Variants in GLP1R observed in about 807,000 individuals in gnomAD.
The protein encoded by GLP1R is glucagon-like peptide 1 receptor.
GLP1R carries 32 observed loss-of-function variants against 68.4 expected under a neutral mutation model. The observed-to-expected ratio is 0.47, with a 90% CI of 0.35 to 0.63. The LOEUF (loss-of-function observed/expected upper bound fraction) is 0.63, where lower values mean the gene tolerates loss of function less well. GLP1R is among the 20% of genes least tolerant of loss of function. The pLI is 0.00. For synonymous variants in GLP1R, 263 were observed against 244.4 expected, an observed-to-expected ratio of 1.08 and a Z score of -0.71; for missense variants, 502 against 594.9, an observed-to-expected ratio of 0.84 and a Z score of 1.62.
Position 39,056,410 on chromosome 6 carries a change from C to T in GLP1R, c.92C>T (p.Ser31Phe), listed in dbSNP as rs866312541. Residue 31 changes from serine (S) to phenylalanine (F), a missense_variant, in exon 2 of 13, where the codon TCC becomes TTC. Transcript: ENST00000373256. ...CCCTCCCCCCAGGGTGCCACTGTGT[C>T]CCTCTGGGAGACGGTGCAGAAATGG... The part of the protein sequence containing the change: ...AGPRPQGATV[S>F]LWETVQKWRE... 1.2e-5 allele frequency: 20 copies of T among 1,601,246 alleles called. No individual in the cohort carries two copies. Among genetic ancestry groups the T allele is most frequent in the Non-Finnish European group, 1.7e-5 (20 of 1,168,368 alleles).
intron 7 of GLP1R, among the ~76,000 whole-genome samples, chr6:39,077,257 C>T (rs1254450679): frequency 1.3e-5 from 2 of 152,232 alleles, no homozygotes; most frequent in Admixed American, 1.3e-4. Context: ...CCCTGCTGTC[C>T]CTTCTCTCTG....
chr6:39,062,414 G>A (rs76345556), intron 3 of GLP1R, among the ~76,000 whole-genome samples: 2,221 of 152,330 alleles, frequency 0.015, 63 homozygotes, highest in African/African-American at 0.049. Context: ...AACCAGCCTG[G>A]CTTTTAATAT....
chr6:39,076,498 T>G (rs936373360), intron 7 of GLP1R, among the ~76,000 whole-genome samples: 6 of 152,286 alleles, frequency 3.9e-5, no homozygotes, highest in African/African-American at 1.4e-4. Context: ...CATCTCTCCC[T>G]GCATCATCAG....
intron 2 of GLP1R, among the ~76,000 whole-genome samples, chr6:39,056,924 T>C (rs1768227832): frequency 6.7e-6 from 1 of 150,064 alleles, no homozygotes; most frequent in South Asian, 2.1e-4. Context: ...AGCCTGTGCA[T>C]GGACTGAGGG....
Position 39,049,188 on chromosome 6 carries a change from T to A in GLP1R, c.78+270T>A, listed in dbSNP as rs1366970090. Among the ~76,000 whole-genome samples the A allele has an allele frequency of 6.6e-6, 1 of 152,072 alleles. No homozygotes were observed. ...CGGGTCCCTCTGCCCGGGCACCCGC[T>A]GCCCCGCGGCCGCCCTGCGCTGACT... On this transcript the variant is annotated intron_variant, in intron 1 of 12. Coordinates refer to ENST00000373256, the MANE Select transcript of GLP1R (RefSeq NM_002062.5). This position sits in a 1 kb window ranked among gnomAD's most constrained non-coding sequence, Gnocchi z 4.5.
In GLP1R at chr6:39,057,518, T is replaced by G; in HGVS notation, c.222T>G (p.Asp74Glu). Residue 74 changes from aspartate to glutamate, a missense_variant, in exon 3 of 13, where the codon GAT (aspartate) becomes GAG (glutamate). By Grantham distance (45) the Asp-to-Glu change is conservative. Transcript: ENST00000373256. ...TCGATGAATACGCCTGCTGGCCAGATGGGGAGCCAGGCTCGTTCGTGAATG... is the reference window on the plus strand; with the variant it reads ...TCGATGAATACGCCTGCTGGCCAGAGGGGGAGCCAGGCTCGTTCGTGAATG... ...RTFDEYACWPDGEPGSFVNVS... is the reference protein window; with the variant it reads ...RTFDEYACWPEGEPGSFVNVS... The G allele has an allele frequency of 1.2e-6, 2 of 1,613,890 alleles. No homozygotes were observed. Among genetic ancestry groups the G allele is most frequent in the Non-Finnish European group, 1.7e-6 (2 of 1,179,866 alleles).
chr6:39,072,914 A>G lies in GLP1R; in HGVS notation c.562A>G (p.Ile188Val). The change falls in exon 6 of 13, where the codon ATC becomes GTC. Residue 188 changes from isoleucine (I) to valine (V), a missense_variant. Coordinates refer to ENST00000373256, the MANE Select transcript of GLP1R (RefSeq NM_002062.5). ...CCACCTGAACCTGTTTGCATCCTTC[A>G]TCCTGCGAGCATTGTCCGTCTTCAT... ...YIHLNLFASF[I>V]LRALSVFIKD... 6.2e-7 allele frequency: 1 copy of G among 1,614,140 alleles called. No homozygotes were observed. The highest frequency in any genetic ancestry group is 8.5e-7 in the Non-Finnish European group (1 of 1,179,978).
chr6:39,086,025 G>A lies in GLP1R; in HGVS notation c.1344G>A (p.Thr448=), dbSNP rs1177825346. The part of the protein sequence containing the change: ...CPTSSLSSGA[T]AGSSMYTATC... ...CCAGCAGCCTGAGCAGTGGAGCCAC[G>A]GCGGGCAGCAGCATGTACACAGCCA... The change falls in exon 13 of 13, where the codon ACG becomes ACA. Residue 448 remains threonine (T), a synonymous_variant. Coordinates refer to ENST00000373256, the MANE Select transcript of GLP1R (RefSeq NM_002062.5). This position sits in a 1 kb window ranked among gnomAD's most constrained non-coding sequence, Gnocchi z 4.5. The A allele has an allele frequency of 2.5e-6, 4 of 1,614,026 alleles. No individual in the cohort carries two copies. The highest frequency in any genetic ancestry group is 3.4e-6 in the Non-Finnish European group (4 of 1,179,942).
intron 12 of GLP1R, among the ~76,000 whole-genome samples, chr6:39,081,593 G>A (rs1376065237): frequency 6.6e-6 from 1 of 152,218 alleles, no homozygotes; most frequent in Non-Finnish European, 1.5e-5. Flanking sequence ...GAATCCCAGA[G>A]CTCAGGGATG....
At position 39,080,685 on chromosome 6, in the gene GLP1R, C is replaced by T. The variant is rs1768982441; in HGVS notation, c.1183-13C>T. On this transcript the variant is annotated splice_polypyrimidine_tract_variant and intron_variant, in intron 11 of 12. Coordinates refer to ENST00000373256, the MANE Select transcript of GLP1R (RefSeq NM_002062.5). Reference sequence around the variant, plus strand: ...TCCTGCTTCCTCCCTCTTGATGTGACTCTTGTTTCCAGGGGCTGATGGTGG... The same window carrying T: ...TCCTGCTTCCTCCCTCTTGATGTGATTCTTGTTTCCAGGGGCTGATGGTGG... 1.3e-6 allele frequency: 2 copies of T among 1,587,902 alleles called. No individual in the cohort carries two copies. The highest frequency in any genetic ancestry group is 1.4e-5 in the African/African-American group (1 of 73,754).
chr6:39,078,018 T>A (rs1768878267), intron 7 of GLP1R, among the ~76,000 whole-genome samples: 3 of 152,070 alleles, frequency 2.0e-5, no homozygotes, highest in Admixed American at 1.3e-4. Context: ...TTTGTGTGTC[T>A]GTGGCCTGGT....
chr6:39,065,575 G>A, intron 3 of GLP1R, 136 bp from the exon 4 acceptor site: 1 of 602,150 alleles, frequency 1.7e-6, no homozygotes, highest in Middle Eastern at 4.3e-4. Context: ...GAAGGGAAAA[G>A]GATGTCACTA....
chr6:39,075,361 C>T (rs1361624127), intron 7 of GLP1R, among the ~76,000 whole-genome samples: 1 of 152,082 alleles, frequency 6.6e-6, no homozygotes, highest in Non-Finnish European at 1.5e-5. Flanking sequence ...TCTGTCCATT[C>T]TAGGAAATAG....
rs1215147814 is a variant in GLP1R, at chr6:39,048,850, GC to G, written c.15del (p.Gly6AlafsTer45). 16 of 1,478,614 alleles carry G rather than the reference GC, an allele frequency of 1.1e-5. No individual in the cohort carries two copies. The highest frequency in any genetic ancestry group is 4.0e-5 in the Admixed American group (2 of 49,704). 91.6% of individuals were successfully genotyped at this position (1,478,614 alleles called of 1,614,324 possible). A position where few individuals can be genotyped will look rare whatever the true frequency, so the allele number is the denominator to read the frequency against. On this transcript the variant is annotated frameshift_variant, in exon 1 of 13. Coordinates refer to ENST00000373256, the MANE Select transcript of GLP1R (RefSeq NM_002062.5). LOFTEE classifies it high-confidence loss of function. MAG[A>X]PGPLRLALLL... ...TCCTGAACTCCCCGCCATGGCCGGC[GC>G]CCCCGGCCCGCTGCGCCTTGCGCTG... is the stretch of plus-strand genomic sequence containing the variant.
rs1204398253 is a variant in GLP1R, at chr6:39,088,600, C to T, written c.*2527C>T. On this transcript the variant is annotated 3_prime_UTR_variant, in exon 13 of 13. Transcript: ENST00000373256. ...CAGCTGACTTCAGCACTCTGGCCAG[C>T]TTCCTCAAACTTGTTAGTGGCTTGC... 3.3e-5 allele frequency among the ~76,000 whole-genome samples: 5 copies of T among 152,230 alleles called. No individual in the cohort carries two copies.
At chr6:39,077,542 C>T (rs923957090) in intron 7 of GLP1R, among the ~76,000 whole-genome samples, 32 of 152,168 alleles carry the variant, frequency 2.1e-4, no homozygotes, top group African/African-American at 6.0e-4. Flanking sequence ...CAAAACAAGC[C>T]ACAGTGTCTT....
rs1467325418 is a variant in GLP1R at position 39,079,362 on chromosome 6, T to C, written c.1043+162T>C. On this transcript the variant is annotated intron_variant, in intron 10 of 12. Transcript: ENST00000373256. This position sits in a 1 kb window ranked among gnomAD's most constrained non-coding sequence, Gnocchi z 4.5. The stretch of plus-strand genomic sequence containing the variant: ...GGACCCCAAACCCTTGCTTTTGCCC[T>C]GTCTCTGGGCAGCCCCTGGACTTGT... 1.3e-5 allele frequency among the ~76,000 whole-genome samples: 2 copies of C among 152,244 alleles called. No individual in the cohort carries two copies. The highest frequency in any genetic ancestry group is 2.9e-5 in the Non-Finnish European group (2 of 68,042).
intron 5 of GLP1R, among the ~76,000 whole-genome samples, chr6:39,072,010 A>G (rs987409104): frequency 5.3e-5 from 8 of 152,220 alleles, no homozygotes; most frequent in African/African-American, 1.4e-4. Flanking sequence ...CTAGTTAATT[A>G]AAAATATTGC....
At chr6:39,076,488 C>T (rs1191983935) in intron 7 of GLP1R, among the ~76,000 whole-genome samples, 2 of 152,136 alleles carry the variant, frequency 1.3e-5, no homozygotes, top group African/African-American at 4.8e-5. Context: ...TTGCCTCCTC[C>T]ATCTCTCCCT....
Sources: gnomAD v4.1 joint callset for allele counts (sites outside exome capture counted in the v4.1 genomes callset) on GRCh38, gnomAD v4.1.1 for gene constraint, Gnocchi (gnomAD v3.1) non-coding constraint, MANE v1.5 for transcripts, NCBI Gene and HGNC (gene_info 2026-07-23, HGNC 2026-07-21) for gene names.